HNF4G: variants seen among roughly 807,000 people sequenced by gnomAD.
The protein encoded by HNF4G is hepatocyte nuclear factor 4-gamma.
Under a neutral mutation model 50.9 loss-of-function variants are expected in HNF4G, and 21 were observed. The observed-to-expected ratio is 0.41, with a 90% CI of 0.29 to 0.59. HNF4G has a LOEUF of 0.59. HNF4G is among the 20% of genes least tolerant of loss of function. The probability of loss-of-function intolerance (pLI) is 0.26; values close to 1 mark genes in which losing one functional copy is unlikely to be tolerated. For synonymous variants in HNF4G, 198 were observed against 185.6 expected (o/e 1.07, Z -0.54); for missense variants, 527 against 559.4 (o/e 0.94, Z 0.58).
rs554839708 is a variant in HNF4G, at chr8:75,456,877, A to G, written c.-143-33212A>G. ...CACTTCAGGCTCCTGAGTAGCTGGG[A>G]CCCCAGACGTGTGCCACCATGCCCA... On this transcript the variant is annotated intron_variant, in intron 1 of 10. Transcript: ENST00000354370. Among the ~76,000 whole-genome samples the G allele has an allele frequency of 1.3e-4, 20 of 151,984 alleles. No homozygotes were observed. In the South Asian group the frequency reaches 4.2e-3, roughly 32 times the overall value.
chr8:75,514,629 G>T (rs1585912159), intron 2 of HNF4G, among the ~76,000 whole-genome samples: 3 of 151,800 alleles, frequency 2.0e-5, no homozygotes, highest in Non-Finnish European at 4.4e-5. Flanking sequence ...GAGATTACAG[G>T]TGTGAGCCAC....
At chr8:75,561,395 A>G (rs1807306807) in intron 9 of HNF4G, among the ~76,000 whole-genome samples, 1 of 152,108 alleles carries the variant, frequency 6.6e-6, no homozygotes, top group Non-Finnish European at 1.5e-5. Flanking sequence ...ATCACTTTTT[A>G]TTCCTTTCTG....
At chr8:75,422,136 A>T (rs1256360099) in intron 1 of HNF4G, among the ~76,000 whole-genome samples, 1 of 152,072 alleles carries the variant, frequency 6.6e-6, no homozygotes, top group African/African-American at 2.4e-5. Flanking sequence ...ATATCTTACT[A>T]CTTATGCTGT....
intron 3 of HNF4G, 30 bp from the exon 4 acceptor site, chr8:75,551,358 C>T (rs1425771219): frequency 8.0e-7 from 1 of 1,257,442 alleles, no homozygotes; most frequent in East Asian, 2.3e-5. Context: ...AAGAGAAGTG[C>T]TCAATAAATA....
intron 2 of HNF4G, among the ~76,000 whole-genome samples, chr8:75,508,665 C>T (rs1014765389): frequency 1.3e-5 from 2 of 152,094 alleles, no homozygotes; most frequent in African/African-American, 2.4e-5. Flanking sequence ...TTGATCTTTA[C>T]ATTAGGGGAA....
At chr8:75,442,436 C>CA (rs1811309430) in intron 1 of HNF4G, among the ~76,000 whole-genome samples, 1 of 152,000 alleles carries the variant, frequency 6.6e-6, no homozygotes, top group Non-Finnish European at 1.5e-5. Flanking sequence ...TGGCCCAGCG[C>CA]AATGGCTCAT....
In HNF4G at chr8:75,558,834, A is replaced by G. The variant is rs780138892; in HGVS notation, c.920A>G (p.Lys307Arg). 2 of 1,614,112 alleles carry G rather than the reference A, an allele frequency of 1.2e-6. No homozygotes were observed. The highest frequency in any genetic ancestry group is 2.2e-5 in the South Asian group (2 of 91,082). Residue 307 changes from lysine (K) to arginine (R), a missense_variant, in exon 8 of 10, where the codon AAG becomes AGG. This residue lies in a region of HNF4G where 308 missense variants were observed against 301.5 expected (regional missense o/e 1.02). Transcript: ENST00000396423. The part of the protein sequence containing the change: ...AKGLSDPVKI[K>R]NMRFQVQIGL... ...GGGCTAAGCGATCCAGTAAAAATTA[A>G]GAACATGAGGTTCCAAGTGCAGATC...
At chr8:75,505,219 C>A (rs557304423) in intron 2 of HNF4G, among the ~76,000 whole-genome samples, 2 of 152,302 alleles carry the variant, frequency 1.3e-5, no homozygotes, top group South Asian at 4.1e-4. Flanking sequence ...CTCAACTCTT[C>A]TGCTAACTTG....
At chr8:75,458,122 G>T (rs1346746253) in intron 1 of HNF4G, among the ~76,000 whole-genome samples, 1 of 152,080 alleles carries the variant, frequency 6.6e-6, no homozygotes, top group Non-Finnish European at 1.5e-5. Context: ...CTTAAGACTA[G>T]CCTGCTCACT....
At chr8:75,542,625 G>A (rs1389594568) in intron 1 of HNF4G, among the ~76,000 whole-genome samples, 1 of 152,044 alleles carries the variant, frequency 6.6e-6, no homozygotes, top group Non-Finnish European at 1.5e-5. Context: ...AGATTTCGGG[G>A]AGTTTTACGG....
chr8:75,505,103 C>A lies in HNF4G; in HGVS notation c.-24+14895C>A, dbSNP rs57890316. 7.0e-3 allele frequency among the ~76,000 whole-genome samples: 1,058 copies of A among 152,108 alleles called. 13 individuals carry two copies. The highest frequency in any genetic ancestry group is 0.024 in the African/African-American group (994 of 41,498). On this transcript the variant is annotated intron_variant, in intron 2 of 10. Transcript: ENST00000354370. ...TTTTATGGATAATTTACTAGGGTTTCGAGGGAAGGTCTCTGTTTCTCCATG... is the reference window on the plus strand; with the variant it reads ...TTTTATGGATAATTTACTAGGGTTTAGAGGGAAGGTCTCTGTTTCTCCATG...
intron 1 of HNF4G, among the ~76,000 whole-genome samples, chr8:75,427,377 A>C (rs1810914427): frequency 6.6e-6 from 1 of 152,184 alleles, no homozygotes; most frequent in East Asian, 1.9e-4. Context: ...CAGGAGTTCA[A>C]GACCAGCTTG....
intron 2 of HNF4G, among the ~76,000 whole-genome samples, chr8:75,510,932 C>A (rs1805734139): frequency 6.6e-6 from 1 of 151,988 alleles, no homozygotes; most frequent in African/African-American, 2.4e-5. Context: ...AAATTGCTGC[C>A]TAATGTTCAT....
chr8:75,542,149 A>T (rs75875758), intron 1 of HNF4G, among the ~76,000 whole-genome samples: 7,981 of 152,022 alleles, frequency 0.052, 258 homozygotes, highest in Middle Eastern at 0.071. Context: ...ATAAAAAAAA[A>T]TAAAAACTAG....
At position 75,545,239 on chromosome 8, in the gene HNF4G, ATGTGTGTG is replaced by A. The variant is rs57486410; in HGVS notation, c.287+1286_287+1293del. ...GAGTCAGGTGCTCTGTTAAAATTGAATGTGTGTGTGTGTGTGTGTGTGTGTGTGTGTGT... is the reference window on the plus strand; with the variant it reads ...GAGTCAGGTGCTCTGTTAAAATTGAATGTGTGTGTGTGTGTGTGTGTGTGT... On this transcript the variant is annotated intron_variant, in intron 2 of 9. Coordinates refer to ENST00000396423, the MANE Select transcript of HNF4G (RefSeq NM_004133.5). 2.5e-3 allele frequency among the ~76,000 whole-genome samples: 366 copies of A among 145,590 alleles called. 2 individuals are homozygous for A. The highest frequency in any genetic ancestry group is 7.9e-3 in the African/African-American group (311 of 39,586).
intron 1 of HNF4G, among the ~76,000 whole-genome samples, chr8:75,434,191 A>G (rs2130527454): frequency 6.6e-6 from 1 of 151,842 alleles, no homozygotes; most frequent in East Asian, 2.0e-4. Context: ...TTTAGTACAG[A>G]TGAGGTTGTA....
At chr8:75,536,105 C>A (rs1016675889), upstream of HNF4G, among the ~76,000 whole-genome samples, 2 of 151,802 alleles carry the variant, frequency 1.3e-5, no homozygotes, top group Non-Finnish European at 2.9e-5. Context: ...TCTTAGCCTA[C>A]AAAACATGAG....
At chr8:75,457,859 C>T (rs1462925709) in intron 1 of HNF4G, among the ~76,000 whole-genome samples, 4 of 151,180 alleles carry the variant, frequency 2.6e-5, no homozygotes, top group South Asian at 2.1e-4. Flanking sequence ...ATTATGTGTG[C>T]GTGTGTGTGT....
At chr8:75,430,177 A>T (rs1219376362) in intron 1 of HNF4G, among the ~76,000 whole-genome samples, 1 of 151,970 alleles carries the variant, frequency 6.6e-6, no homozygotes, top group Non-Finnish European at 1.5e-5. Flanking sequence ...TTAATTGCAT[A>T]GCTGAGTTGG....
Sources: allele counts gnomAD v4.1 joint callset (sites outside exome capture counted in the v4.1 genomes callset), GRCh38; gene constraint gnomAD v4.1.1; regional missense constraint gnomAD v4.1.1; transcripts MANE v1.5; gene names NCBI Gene and HGNC (gene_info 2026-07-23, HGNC 2026-07-21).